The following FNIP1 variants were observed in gnomAD, a reference collection of about 807,000 sequenced individuals.
FNIP1 encodes the protein folliculin-interacting protein 1.
FNIP1 carries 40 observed loss-of-function variants against 124.5 expected under a neutral mutation model. That is an observed-to-expected ratio of 0.32 (90% CI 0.25 to 0.42). The LOEUF is 0.42. Ranked by LOEUF, FNIP1 falls within the 10% of genes least tolerant of loss-of-function variation. The pLI is 1.00. For missense variants in FNIP1, 1,176 were observed against 1,403.7 expected, an observed-to-expected ratio of 0.84 and a Z score of 2.59; for synonymous variants, 472 against 470.6, an observed-to-expected ratio of 1.00 and a Z score of -0.04.
In FNIP1 at chr5:131,672,791, C is replaced by T. The variant is rs145937053; in HGVS notation, c.1653G>A (p.Thr551=). 4,247 of 1,613,474 alleles carry T rather than the reference C, an allele frequency of 2.6e-3. 208 individuals carry two copies. In the Admixed American group the frequency reaches 0.066, roughly 25 times the overall value. Residue 551 remains threonine (T), a synonymous_variant, in exon 14 of 18, where the codon ACG becomes ACA. Coordinates refer to ENST00000510461, the MANE Select transcript of FNIP1 (RefSeq NM_133372.3). ...CATCTTCTCCATTTTCTAAAAGATGCGTTTCTTGAAGTTCAGAGCATCTTA... is the reference window on the plus strand; with the variant it reads ...CATCTTCTCCATTTTCTAAAAGATGTGTTTCTTGAAGTTCAGAGCATCTTA... The part of the protein sequence containing the change: ...YFIRCSELQE[T]HLLENGEDEA...
intron 1 of FNIP1, among the ~76,000 whole-genome samples, chr5:131,793,961 C>T (rs891893088): frequency 2.6e-5 from 4 of 152,006 alleles, no homozygotes; most frequent in Admixed American, 2.6e-4. Context: ...TGAATATGAT[C>T]TTCGGGAAAT....
chr5:131,795,150 T>C (rs1772541159), intron 1 of FNIP1, among the ~76,000 whole-genome samples: 1 of 152,234 alleles, frequency 6.6e-6, no homozygotes, highest in Non-Finnish European at 1.5e-5. Context: ...ACAAGTTTTA[T>C]TTTTAAAGTG....
At chr5:131,712,014 T>C (rs894953989) in intron 6 of FNIP1, among the ~76,000 whole-genome samples, 1 of 152,208 alleles carries the variant, frequency 6.6e-6, no homozygotes, top group Non-Finnish European at 1.5e-5. Context: ...AGTATGCACA[T>C]GCATATATGC....
chr5:131,672,174 T>A lies in FNIP1; in HGVS notation c.2270A>T (p.Asp757Val). Reference sequence around the variant, plus strand: ...AGTATCTGAATCAGGTGACATAGAATCCCCAATCAGGAAAGTAACCTTTGT... The same window carrying A: ...AGTATCTGAATCAGGTGACATAGAAACCCCAATCAGGAAAGTAACCTTTGT... The part of the protein sequence containing the change: ...AQTKVTFLIG[D>V]SMSPDSDTEL... Residue 757 changes from aspartate (D) to valine (V), a missense_variant, in exon 14 of 18, where the codon GAT becomes GTT. This residue lies in a region of FNIP1 where 1,109 missense variants were observed against 1,288.5 expected (regional missense o/e 0.86). Coordinates refer to ENST00000510461, the MANE Select transcript of FNIP1 (RefSeq NM_133372.3). The A allele has an allele frequency of 6.2e-7, 1 of 1,614,174 alleles. No individual in the cohort carries two copies. The highest frequency in any genetic ancestry group is 1.1e-5 in the South Asian group (1 of 91,076).
At chr5:131,714,277 C>T (rs144471546) in intron 6 of FNIP1, among the ~76,000 whole-genome samples, 1 of 152,252 alleles carries the variant, frequency 6.6e-6, no homozygotes, top group Non-Finnish European at 1.5e-5. Context: ...CAACATTCTA[C>T]CCCTCTCTCC....
intron 9 of FNIP1, among the ~76,000 whole-genome samples, chr5:131,705,081 T>C (rs1313188477): frequency 2.0e-5 from 3 of 151,986 alleles, no homozygotes; most frequent in Non-Finnish European, 4.4e-5. Flanking sequence ...TTTCCAGACA[T>C]CACCAACAAA....
intron 1 of FNIP1, among the ~76,000 whole-genome samples, chr5:131,777,401 C>T (rs1361105951): frequency 2.0e-5 from 3 of 151,470 alleles, no homozygotes; most frequent in Admixed American, 2.0e-4. Flanking sequence ...GAACTGGAAT[C>T]GCTGGGAAAA....
At chr5:131,665,538 A>C (rs1767574831) in intron 15 of FNIP1, among the ~76,000 whole-genome samples, 1 of 151,404 alleles carries the variant, frequency 6.6e-6, no homozygotes, top group South Asian at 2.1e-4. Flanking sequence ...ATTTCATGTT[A>C]AATATGATAA....
intron 15 of FNIP1, among the ~76,000 whole-genome samples, chr5:131,664,166 C>A (rs750917736): frequency 1.3e-5 from 2 of 151,974 alleles, no homozygotes; most frequent in Non-Finnish European, 2.9e-5. Context: ...TAATGCAGGG[C>A]CAAAATCTGG....
At chr5:131,786,566 T>G (rs1455929462) in intron 1 of FNIP1, among the ~76,000 whole-genome samples, 1 of 152,008 alleles carries the variant, frequency 6.6e-6, no homozygotes, top group East Asian at 1.9e-4. Flanking sequence ...GGGATTAGAG[T>G]GCTATAGTTT....
At chr5:131,676,988 TA>T in intron 13 of FNIP1, among the ~76,000 whole-genome samples, 1 of 152,336 alleles carries the variant, frequency 6.6e-6, no homozygotes, top group East Asian at 1.9e-4. Flanking sequence ...CCCCATCATC[TA>T]AAAGCAACAG....
rs144285346 is a variant in FNIP1 at position 131,670,733 on chromosome 5, G to A, written c.2940-102C>T. ...TTCTACTTGTCCATATTTTACACTA[G>A]TCTGTATTAAAATCAAGTGTAAAAT... On this transcript the variant is annotated intron_variant, in intron 14 of 17. Transcript: ENST00000510461. The A allele has an allele frequency of 6.2e-6, 5 of 803,512 alleles. No individual in the cohort carries two copies. In the East Asian group the frequency reaches 1.4e-4, roughly 23 times the overall value. The allele number at this position is 803,512 out of a possible 1,614,324, so 49.8% of individuals were successfully genotyped here.
At chr5:131,747,696 G>A (rs1253842733) in intron 1 of FNIP1, among the ~76,000 whole-genome samples, 4 of 152,168 alleles carry the variant, frequency 2.6e-5, no homozygotes, top group African/African-American at 7.2e-5. Context: ...AAAGAGTACA[G>A]AGGTCAGATT....
At chr5:131,728,058 A>C (rs1190540210) in intron 3 of FNIP1, among the ~76,000 whole-genome samples, 1 of 152,150 alleles carries the variant, frequency 6.6e-6, no homozygotes, top group Non-Finnish European at 1.5e-5. Context: ...TGTTAGTCTG[A>C]TGGACTTTCC....
intron 16 of FNIP1, among the ~76,000 whole-genome samples, chr5:131,650,312 T>G (rs1204250976): frequency 6.6e-6 from 1 of 152,204 alleles, no homozygotes; most frequent in African/African-American, 2.4e-5. Context: ...TTATACCTTA[T>G]AGTGTACAAG....
At chr5:131,658,000 C>T (rs895087237) in intron 15 of FNIP1, among the ~76,000 whole-genome samples, 3 of 147,104 alleles carry the variant, frequency 2.0e-5, no homozygotes, top group African/African-American at 7.6e-5. Context: ...AAGATCACGC[C>T]ACTGCACTCC....
chr5:131,765,682 T>A (rs763044475), intron 1 of FNIP1, among the ~76,000 whole-genome samples: 27 of 152,268 alleles, frequency 1.8e-4, no homozygotes, highest in Non-Finnish European at 3.2e-4. Context: ...TTCCAATGGT[T>A]TATCTTTACA....
intron 1 of FNIP1, among the ~76,000 whole-genome samples, chr5:131,790,998 A>T: frequency 6.6e-6 from 1 of 152,214 alleles, no homozygotes; most frequent in East Asian, 1.9e-4. Context: ...TCAACCTAAA[A>T]AGGCTTCCAT....
chr5:131,742,357 G>A (rs1040726185), intron 2 of FNIP1, among the ~76,000 whole-genome samples: 18 of 152,198 alleles, frequency 1.2e-4, no homozygotes, highest in South Asian at 6.2e-4. Context: ...CCAGCTACTC[G>A]CAAGGCTGAG....
Sources: gnomAD v4.1 joint callset for allele counts (sites outside exome capture counted in the v4.1 genomes callset) on GRCh38, gnomAD v4.1.1 for gene constraint, gnomAD v4.1.1 regional missense constraint, MANE v1.5 for transcripts, NCBI Gene and HGNC (gene_info 2026-07-23, HGNC 2026-07-21) for gene names.